PHACTR1: variants seen among roughly 807,000 people sequenced by gnomAD.
PHACTR1 encodes RPEL repeat containing 1.
In PHACTR1, 16 loss-of-function variants were observed where a neutral mutation model predicts 69.2. The ratio of observed to expected loss-of-function variants is 0.23; its 90% confidence interval spans 0.16 to 0.35. The LOEUF is 0.35. Among genes scored for constraint, PHACTR1 ranks in the 10% least tolerant of loss-of-function variants. The pLI, the probability that PHACTR1 is intolerant of heterozygous loss-of-function variation, is 1.00. For synonymous variants in PHACTR1, 312 were observed against 284.5 expected (o/e 1.10, Z -0.97); for missense variants, 510 against 734.7 (o/e 0.69, Z 3.54).
intron 4 of PHACTR1, among the ~76,000 whole-genome samples, chr6:12,975,894 T>C (rs1163370969): frequency 6.6e-6 from 1 of 152,226 alleles, no homozygotes; most frequent in Non-Finnish European, 1.5e-5. Context: ...TGAATCTTTC[T>C]TTAAATGCAC....
chr6:12,723,870 C>T (rs1172187448), intron 3 of PHACTR1, among the ~76,000 whole-genome samples: 1 of 152,126 alleles, frequency 6.6e-6, no homozygotes, highest in Non-Finnish European at 1.5e-5. Flanking sequence ...TTTAAACTGC[C>T]CCCACGAGAT....
intron 6 of PHACTR1, among the ~76,000 whole-genome samples, chr6:13,170,305 C>T (rs992855350): frequency 2.6e-5 from 4 of 152,148 alleles, no homozygotes; most frequent in African/African-American, 7.2e-5. Context: ...CAAGTACAGT[C>T]ACCTGCCTGA....
intron 4 of PHACTR1, among the ~76,000 whole-genome samples, chr6:12,835,798 AAGTT>A (rs1582001664): frequency 2.0e-5 from 3 of 152,282 alleles, no homozygotes; most frequent in South Asian, 4.2e-4. Flanking sequence ...GTAACATAAA[AAGTT>A]AGTAGCTTTT....
intron 4 of PHACTR1, among the ~76,000 whole-genome samples, chr6:13,052,572 A>G (rs918138179): frequency 6.6e-6 from 1 of 152,240 alleles, no homozygotes; most frequent in African/African-American, 2.4e-5. Context: ...TTCATGTGGT[A>G]AAAAGAGGTT....
At chr6:13,085,580 TTAAAA>T (rs1812141188) in intron 5 of PHACTR1, among the ~76,000 whole-genome samples, 2 of 152,204 alleles carry the variant, frequency 1.3e-5, no homozygotes, top group Admixed American at 6.5e-5. Context: ...CTTTATAGTC[TTAAAA>T]TATATACAGC....
intron 5 of PHACTR1, among the ~76,000 whole-genome samples, chr6:13,154,226 G>A (rs1338455623): frequency 3.3e-5 from 5 of 152,072 alleles, no homozygotes; most frequent in Admixed American, 6.6e-5. Context: ...GTGTAGTGGT[G>A]CAATCTCAGC....
intron 3 of PHACTR1, among the ~76,000 whole-genome samples, chr6:12,745,538 T>C (rs1360677584): frequency 1.3e-5 from 2 of 152,096 alleles, no homozygotes; most frequent in Admixed American, 1.3e-4. Context: ...ATGTGGGTGT[T>C]GTCACATGAT....
At chr6:13,108,472 A>G (rs1816515559) in intron 5 of PHACTR1, among the ~76,000 whole-genome samples, 1 of 152,064 alleles carries the variant, frequency 6.6e-6, no homozygotes, top group Non-Finnish European at 1.5e-5. Flanking sequence ...AAAATTTCTC[A>G]GTATAATTAT....
At chr6:13,126,349 A>G (rs1185543551) in intron 5 of PHACTR1, among the ~76,000 whole-genome samples, 1 of 152,214 alleles carries the variant, frequency 6.6e-6, no homozygotes, top group African/African-American at 2.4e-5. Context: ...GAATTTCACT[A>G]TTTACTTCTT....
At chr6:13,257,343 T>C in intron 10 of PHACTR1, among the ~76,000 whole-genome samples, 1 of 152,166 alleles carries the variant, frequency 6.6e-6, no homozygotes, top group Non-Finnish European at 1.5e-5. Flanking sequence ...CCTCCAACAC[T>C]GGGTATTACA....
At chr6:12,737,151 T>C (rs1196622553) in intron 3 of PHACTR1, among the ~76,000 whole-genome samples, 1 of 152,148 alleles carries the variant, frequency 6.6e-6, no homozygotes, top group Non-Finnish European at 1.5e-5. Flanking sequence ...CTAGATGATA[T>C]AGACTACTAC....
intron 7 of PHACTR1, among the ~76,000 whole-genome samples, chr6:13,183,998 T>C (rs1488891608): frequency 2.0e-5 from 3 of 151,934 alleles, no homozygotes; most frequent in African/African-American, 7.3e-5. Context: ...AATGGAGGAA[T>C]TGATAAAAGA....
At chr6:13,040,808 A>G (rs1320834099) in intron 4 of PHACTR1, among the ~76,000 whole-genome samples, 2 of 152,214 alleles carry the variant, frequency 1.3e-5, no homozygotes, top group Non-Finnish European at 2.9e-5. Flanking sequence ...ATGGTTGTAT[A>G]TGCAATCAGA....
At chr6:13,230,779 G>A (rs1584104034) in intron 10 of PHACTR1, among the ~76,000 whole-genome samples, 1 of 115,528 alleles carries the variant, frequency 8.7e-6, no homozygotes, top group East Asian at 2.0e-4. Context: ...TACATTGGGT[G>A]GCCAAAGTGG....
At chr6:13,252,952 G>C (rs1774687039) in intron 10 of PHACTR1, 1 of 375,982 alleles carries the variant, frequency 2.7e-6, no homozygotes, top group African/African-American at 2.1e-5. Context: ...TCGTTTCCAG[G>C]TTTCTAAATA....
At chr6:12,890,287 G>GT (rs746151216) in intron 4 of PHACTR1, among the ~76,000 whole-genome samples, 34 of 152,106 alleles carry the variant, frequency 2.2e-4, no homozygotes, top group Non-Finnish European at 3.1e-4. Flanking sequence ...CAGGAAACTG[G>GT]TACCCTGGTG....
intron 4 of PHACTR1, among the ~76,000 whole-genome samples, chr6:12,776,048 G>C (rs1299822271): frequency 6.6e-6 from 1 of 152,202 alleles, no homozygotes; most frequent in African/African-American, 2.4e-5. Context: ...GAATGCTTAA[G>C]TGATGTTTGA....
chr6:12,890,688 C>G (rs1420818097), intron 4 of PHACTR1, among the ~76,000 whole-genome samples: 1 of 152,162 alleles, frequency 6.6e-6, no homozygotes, highest in Admixed American at 6.5e-5. Flanking sequence ...AAATCCCTCA[C>G]TTCATTTAAG....
chr6:12,766,453 A>G (rs1483807589), intron 4 of PHACTR1, among the ~76,000 whole-genome samples: 1 of 152,212 alleles, frequency 6.6e-6, no homozygotes, highest in Non-Finnish European at 1.5e-5. Context: ...CCCGGAATCT[A>G]GAAATTTCAT....
Sources: gnomAD v4.1 joint callset for allele counts (sites outside exome capture counted in the v4.1 genomes callset) on GRCh38, gnomAD v4.1.1 for gene constraint, MANE v1.5 for transcripts, NCBI Gene and HGNC (gene_info 2026-07-23, HGNC 2026-07-21) for gene names.